The following SLC22A7 variants were observed in gnomAD, a reference collection of about 807,000 sequenced individuals.
The protein encoded by SLC22A7 is hOAT2.
SLC22A7 carries 48 observed loss-of-function variants against 62.2 expected under a neutral mutation model. The observed-to-expected ratio is 0.77, with a 90% CI of 0.61 to 0.98. The LOEUF (loss-of-function observed/expected upper bound fraction) is 0.98, where lower values mean the gene tolerates loss of function less well. SLC22A7 is among the 50% of genes least tolerant of loss of function. The pLI is 0.00. For synonymous variants in SLC22A7, 276 were observed against 314.8 expected (o/e 0.88, Z 1.30); for missense variants, 581 against 703.8 (o/e 0.83, Z 1.97).
upstream of SLC22A7, chr6:43,295,875 A>G (rs537610816): frequency 1.3e-5 from 2 of 152,322 alleles, no homozygotes; most frequent in East Asian, 3.9e-4. Context: ...TTAATGCCAA[A>G]TTACTCTCTG....
Position 43,298,737 on chromosome 6 carries a change from A to C in SLC22A7, c.379A>C (p.Thr127Pro). The C allele has an allele frequency of 6.6e-7, 1 of 1,520,044 alleles. No homozygotes were observed. Among genetic ancestry groups the C allele is most frequent in the Non-Finnish European group, 8.8e-7 (1 of 1,135,506 alleles). 94.2% of individuals were successfully genotyped at this position (1,520,044 alleles called of 1,614,324 possible). A position where few individuals can be genotyped will look rare whatever the true frequency, so the allele number is the denominator to read the frequency against. ...GTACGACCACTCAGAATTCTCCTCT[A>C]CCATTGCAACTGAGGTACTTAAGCC... ...WEYDHSEFSSTIATESQWDLV... is the reference protein window; with the variant it reads ...WEYDHSEFSSPIATESQWDLV... The change falls in exon 1 of 11, where the codon ACC becomes CCC. Residue 127 changes from threonine to proline, a missense_variant. Coordinates refer to ENST00000372585, the MANE Select transcript of SLC22A7 (RefSeq NM_153320.2).
intron 1 of SLC22A7, 96 bp downstream of exon 1, chr6:43,298,847 T>C (rs1309521303): frequency 6.8e-7 from 1 of 1,476,790 alleles, no homozygotes; most frequent in Non-Finnish European, 9.1e-7. Context: ...TTACTTTACC[T>C]CTTAAAGTCT....
chr6:43,298,614 C>G lies in SLC22A7; in HGVS notation c.256C>G (p.Pro86Ala), dbSNP rs760042872. ...CAGCTCCTGCCTCCGCTTTGCCTATCCCCAGGCTCTCCCCAACACCACGTT... is the reference window on the plus strand; with the variant it reads ...CAGCTCCTGCCTCCGCTTTGCCTATGCCCAGGCTCTCCCCAACACCACGTT... ...TLSSCLRFAY[P>A]QALPNTTLGE... The change falls in exon 1 of 11, where the codon CCC becomes GCC. Residue 86 changes from proline (P) to alanine (A), a missense_variant. Transcript: ENST00000372585. The G allele has an allele frequency of 6.2e-7, 1 of 1,605,584 alleles. No individual in the cohort carries two copies.
intron 9 of SLC22A7, 87 bp from the exon 10 acceptor site, chr6:43,303,951 T>C: frequency 8.8e-7 from 1 of 1,140,440 alleles, no homozygotes; most frequent in Non-Finnish European, 1.2e-6. Context: ...TATCAGGGCC[T>C]GCCAGCCCTG....
At position 43,298,451 on chromosome 6, in the gene SLC22A7, A is replaced by G; in HGVS notation, c.93A>G (p.Leu31=). The G allele has an allele frequency of 6.2e-7, 1 of 1,613,934 alleles. No homozygotes were observed. Among genetic ancestry groups the G allele is most frequent in the Non-Finnish European group, 8.5e-7 (1 of 1,180,022 alleles). Residue 31 remains leucine (L), a synonymous_variant, in exon 1 of 11, where the codon CTA becomes CTG. Coordinates refer to ENST00000372585, the MANE Select transcript of SLC22A7 (RefSeq NM_153320.2). ...VALLALPRVL[L]PLHFLLPIFL... is the part of the protein sequence containing the mutation. The stretch of plus-strand genomic sequence containing the variant: ...TGCTGGCCCTGCCCCGAGTGCTGCT[A>G]CCACTGCACTTCCTCCTGCCCATCT...
rs553763704 is a variant in SLC22A7, at chr6:43,303,957, C to G, written c.1386-81C>G. 4.1e-6 allele frequency: 5 copies of G among 1,215,810 alleles called. No individual in the cohort carries two copies. In the African/African-American group the frequency reaches 7.7e-5, roughly 19 times the overall value. 75.3% of individuals were successfully genotyped at this position (1,215,810 alleles called of 1,614,324 possible). On this transcript the variant is annotated intron_variant, in intron 9 of 10. Transcript: ENST00000372585. Reference sequence around the variant, plus strand: ...AGAAGGGAGTATCAGGGCCTGCCAGCCCTGGAGGGAAGCCCTGTGGGGCAT... The same window carrying G: ...AGAAGGGAGTATCAGGGCCTGCCAGGCCTGGAGGGAAGCCCTGTGGGGCAT...
intron 5 of SLC22A7, among the ~76,000 whole-genome samples, chr6:43,300,802 TATTTTTTG>T (rs527551276): frequency 7.2e-4 from 109 of 152,234 alleles, no homozygotes; most frequent in Admixed American, 2.4e-3. Flanking sequence ...AGCTAATATT[TATTTTTTG>T]ATTTTTTGTA....
rs1445817315 is a variant in SLC22A7, at chr6:43,302,838, C to A, written c.1385+75C>A. ...GTCTTAACCAACACTTCTACATACA[C>A]GCACCACAACCTGGTCTCTCACTCA... On this transcript the variant is annotated intron_variant, in intron 9 of 10. Transcript: ENST00000372585. This position sits in a 1 kb window ranked among gnomAD's most constrained non-coding sequence, Gnocchi z 5.0. 4.2e-6 allele frequency: 4 copies of A among 941,896 alleles called. No homozygotes were observed. The highest frequency in any genetic ancestry group is 6.6e-6 in the Non-Finnish European group (4 of 603,552). 58.3% of individuals were successfully genotyped at this position (941,896 alleles called of 1,614,324 possible). A position where few individuals can be genotyped will look rare whatever the true frequency, so the allele number is the denominator to read the frequency against.
chr6:43,304,273 G>A (rs200073758), intron 10 of SLC22A7, 29 bp downstream of exon 10: 330 of 1,466,174 alleles, frequency 2.3e-4, no homozygotes, highest in African/African-American at 8.9e-4. Context: ...GTCTGTGTAC[G>A]TGTGATAACA....
Position 43,299,221 on chromosome 6 carries a change from T to C in SLC22A7, c.399+124T>C. ...TGCAGGACTGGGGAGGGACAAAGTT[T>C]CCTATTCCCCAAGCTGGCGTGAATC... On this transcript the variant is annotated intron_variant, in intron 2 of 10. Coordinates refer to ENST00000372585, the MANE Select transcript of SLC22A7 (RefSeq NM_153320.2). The surrounding 1 kb of genome is among the most constrained non-coding windows in gnomAD (Gnocchi z 4.4). The C allele has an allele frequency of 6.2e-7, 1 of 1,613,552 alleles. No individual in the cohort carries two copies. The highest frequency in any genetic ancestry group is 8.5e-7 in the Non-Finnish European group (1 of 1,179,744).
chr6:43,301,912 A>G (rs1778765989), intron 7 of SLC22A7, among the ~76,000 whole-genome samples: 1 of 152,140 alleles, frequency 6.6e-6, no homozygotes, highest in African/African-American at 2.4e-5. Flanking sequence ...CCTTACTTGG[A>G]AAGGGACAGA....
chr6:43,301,508 G>A lies in SLC22A7; in HGVS notation c.952-75G>A, dbSNP rs530772092. 21 of 1,212,130 alleles carry A rather than the reference G, an allele frequency of 1.7e-5. No individual in the cohort carries two copies. In the East Asian group the frequency reaches 2.1e-4, roughly 12 times the overall value. 75.1% of individuals were successfully genotyped at this position (1,212,130 alleles called of 1,614,324 possible). On this transcript the variant is annotated intron_variant, in intron 6 of 10. Coordinates refer to ENST00000372585, the MANE Select transcript of SLC22A7 (RefSeq NM_153320.2). ...GCAGATGGGAGGAATAGAGAGGGGT[G>A]GGGGGAGAGTACTGTGTCCCATTGA... is the stretch of plus-strand genomic sequence containing the variant.
intron 10 of SLC22A7, 168 bp downstream of exon 10, chr6:43,304,412 GGCATGTAAACTGCAA>G: frequency 1.6e-6 from 1 of 635,206 alleles, no homozygotes; most frequent in Admixed American, 3.4e-5. Flanking sequence ...CATGATTGGG[GGCATGTAAACTGCAA>G]GCATAAATGT....
intron 5 of SLC22A7, among the ~76,000 whole-genome samples, chr6:43,300,445 G>C (rs1269279237): frequency 6.6e-6 from 1 of 152,012 alleles, no homozygotes; most frequent in Non-Finnish European, 1.5e-5. Context: ...ACTTGGCCTT[G>C]GATGACCCTT....
Position 43,304,942 on chromosome 6 carries a change from C to T in SLC22A7, c.*217C>T, listed in dbSNP as rs985524311. The T allele has an allele frequency of 9.5e-6, 4 of 423,090 alleles. No homozygotes were observed. Among genetic ancestry groups the T allele is most frequent in the Non-Finnish European group, 1.7e-5 (4 of 238,946 alleles). 26.2% of individuals were successfully genotyped at this position (423,090 alleles called of 1,614,324 possible). On this transcript the variant is annotated 3_prime_UTR_variant, in exon 11 of 11. Coordinates refer to ENST00000372585, the MANE Select transcript of SLC22A7 (RefSeq NM_153320.2). ...AGTGGGCTGCTGGGCACCCCTCTCA[C>T]GGTTGGGGAGGATTCTGTAAATAAA...
chr6:43,302,227 C>G lies in SLC22A7; in HGVS notation c.1089C>G (p.Gly363=), dbSNP rs774208375. ...VWFGVNFSYY[G]LSLDVSGLGL... is the part of the protein sequence containing the mutation. ...TCGGAGTGAACTTCTCCTATTACGG[C>G]CTGAGTCTGGATGTGTCGGGGCTGG... The change falls in exon 8 of 11, where the codon GGC becomes GGG. Residue 363 remains glycine (G), a synonymous_variant. Coordinates refer to ENST00000372585, the MANE Select transcript of SLC22A7 (RefSeq NM_153320.2). The surrounding 1 kb of genome is among the most constrained non-coding windows in gnomAD (Gnocchi z 5.0). 2 of 1,597,482 alleles carry G rather than the reference C, an allele frequency of 1.3e-6. No homozygotes were observed. The highest frequency in any genetic ancestry group is 2.7e-5 in the African/African-American group (2 of 74,576).
chr6:43,297,483 T>C (rs983840927), upstream of SLC22A7, among the ~76,000 whole-genome samples: 1 of 152,194 alleles, frequency 6.6e-6, no homozygotes, highest in Admixed American at 6.5e-5. Context: ...AGATTGAACA[T>C]TTGAGTCTTA....
rs772909548 is a variant in SLC22A7, at chr6:43,302,252, G to A, written c.1114G>A (p.Gly372Arg). Residue 372 changes from glycine to arginine, a missense_variant, in exon 8 of 11, where the codon GGG (glycine) becomes AGG (arginine). Physicochemically the swap from Gly to Arg is moderately radical, Grantham distance 125. Coordinates refer to ENST00000372585, the MANE Select transcript of SLC22A7 (RefSeq NM_153320.2). The surrounding 1 kb of genome is among the most constrained non-coding windows in gnomAD (Gnocchi z 5.0). ...YGLSLDVSGLGLNVYQTQLLF... is the reference protein window; with the variant it reads ...YGLSLDVSGLRLNVYQTQLLF... ...CCTGAGTCTGGATGTGTCGGGGCTG[G>A]GGCTGAACGTGTACCAGACACAGCT... The A allele has an allele frequency of 1.9e-6, 3 of 1,610,684 alleles. No homozygotes were observed. In the South Asian group the frequency reaches 3.3e-5, roughly 18 times the overall value.
At chr6:43,298,219 CCT>C, upstream of SLC22A7, 5 of 756,706 alleles carry the variant, frequency 6.6e-6, no homozygotes, top group Middle Eastern at 4.0e-4. Flanking sequence ...TGGGCCAGCC[CCT>C]GAGGGCTGGA....
Sources: gnomAD v4.1 joint callset for allele counts (sites outside exome capture counted in the v4.1 genomes callset) on GRCh38, gnomAD v4.1.1 for gene constraint, Gnocchi (gnomAD v3.1) non-coding constraint, MANE v1.5 for transcripts, NCBI Gene and HGNC (gene_info 2026-07-23, HGNC 2026-07-21) for gene names.